Variants in ROS1 observed in about 807,000 individuals in gnomAD.
The protein encoded by ROS1 is proto-oncogene tyrosine-protein kinase ROS.
A neutral mutation model predicts 273.5 loss-of-function variants in ROS1; 263 were observed. That is an observed-to-expected ratio of 0.96 (90% CI 0.87 to 1.06). The LOEUF (loss-of-function observed/expected upper bound fraction) is 1.06. ROS1 is among the 50% of genes least tolerant of loss of function. ROS1 has a pLI of 0.00. For missense variants in ROS1, 2,833 were observed against 2,751.1 expected, an observed-to-expected ratio of 1.03 and a Z score of -0.67; for synonymous variants, 1,008 against 954.1, an observed-to-expected ratio of 1.06 and a Z score of -1.04.
chr6:117,386,661 G>T (rs1167962924), intron 15 of ROS1, among the ~76,000 whole-genome samples: 2 of 152,196 alleles, frequency 1.3e-5, no homozygotes, highest in African/African-American at 4.8e-5. Context: ...TTCCTGGTGG[G>T]CATAAAACTA....
chr6:117,353,222 A>C, intron 26 of ROS1, 56 bp from the exon 27 acceptor site: 1 of 1,279,206 alleles, frequency 7.8e-7, no homozygotes, highest in Non-Finnish European at 1.1e-6. Context: ...TACATTTTTT[A>C]CTCTAAAAAT....
chr6:117,395,743 A>G (rs1472489931), intron 9 of ROS1, among the ~76,000 whole-genome samples: 1 of 152,166 alleles, frequency 6.6e-6, no homozygotes, highest in Non-Finnish European at 1.5e-5. Flanking sequence ...ATACTTATAT[A>G]GTAAAATGTA....
At chr6:117,357,757 CTA>C (rs759138345) in intron 25 of ROS1, 45 bp downstream of exon 25, 1 of 1,257,266 alleles carries the variant, frequency 8.0e-7, no homozygotes, top group Non-Finnish European at 1.1e-6. Context: ...TTAAATATGT[CTA>C]TATCTATTTC....
intron 43 of ROS1, among the ~76,000 whole-genome samples, chr6:117,289,128 G>A (rs1436778725): frequency 6.6e-6 from 1 of 152,240 alleles, no homozygotes; most frequent in Non-Finnish European, 1.5e-5. Context: ...TTAACAAGCG[G>A]AGCAAGTCGT....
chr6:117,311,045 A>C lies in ROS1; in HGVS notation c.6190T>G (p.Leu2064Val). The C allele has an allele frequency of 6.2e-7, 1 of 1,610,172 alleles. No individual in the cohort carries two copies. The highest frequency in any genetic ancestry group is 8.5e-7 in the Non-Finnish European group (1 of 1,177,762). Residue 2064 changes from leucine to valine, a missense_variant, in exon 40 of 44, where the codon TTG becomes GTG. Coordinates refer to ENST00000368507, the MANE Select transcript of ROS1 (RefSeq NM_001378902.1). ...CTGTGAATGAAATGCATCCGTTCCA[A>C]GTAGACACAGCCTTTTGAAATATCT... ...CVDISKGCVY[L>V]ERMHFIHRDL...
chr6:117,342,639 C>T, intron 28 of ROS1, 95 bp from the exon 29 acceptor site: 2 of 818,320 alleles, frequency 2.4e-6, no homozygotes, highest in South Asian at 2.2e-5. Context: ...AAGTTAAAGG[C>T]TCAAAAAAAT....
chr6:117,368,864 GA>G (rs1413483978), intron 18 of ROS1, among the ~76,000 whole-genome samples: 2 of 151,606 alleles, frequency 1.3e-5, no homozygotes, highest in African/African-American at 4.8e-5. Context: ...GAATTAATGT[GA>G]AAAAAAGAAT....
chr6:117,422,201 G>A (rs560568926), intron 1 of ROS1, among the ~76,000 whole-genome samples: 243 of 152,186 alleles, frequency 1.6e-3, no homozygotes, highest in African/African-American at 5.2e-3. Context: ...GTAGAGACAG[G>A]AGTCTCACCA....
rs1489796466 is a variant in ROS1, at chr6:117,356,696, T to C, written c.4059A>G (p.Gln1353=). Residue 1353 remains glutamine, a synonymous_variant, in exon 26 of 44, where the codon CAA becomes CAG. Coordinates refer to ENST00000368507, the MANE Select transcript of ROS1 (RefSeq NM_001378902.1). ...CTTCCAGATCCATTGCCCAGATCTCTTGTGCTTTGGCAAAGTATATCAATG... is the reference window on the plus strand; with the variant it reads ...CTTCCAGATCCATTGCCCAGATCTCCTGTGCTTTGGCAAAGTATATCAATG... The part of the protein sequence containing the change: ...EKPLIYFAKA[Q]EIWAMDLEGC... 6.2e-7 allele frequency: 1 copy of C among 1,614,020 alleles called. No homozygotes were observed. Among genetic ancestry groups the C allele is most frequent in the Non-Finnish European group, 8.5e-7 (1 of 1,179,874 alleles).
At position 117,341,219 on chromosome 6, in the gene ROS1, C is replaced by A. The variant is rs780398903; in HGVS notation, c.4977G>T (p.Leu1659Phe). ...MFNTPEKPYSLVPENTSLQFN... is the reference protein window; with the variant it reads ...MFNTPEKPYSFVPENTSLQFN... The stretch of plus-strand genomic sequence containing the variant: ...ATTGCAAACTAGTGTTCTCTGGAAC[C>A]AAGGAATAAGGTTTCTCTGGTGTGT... The change falls in exon 31 of 44, where the codon TTG becomes TTT. Residue 1659 changes from leucine to phenylalanine, a missense_variant. Coordinates refer to ENST00000368507, the MANE Select transcript of ROS1 (RefSeq NM_001378902.1). The A allele has an allele frequency of 7.4e-6, 12 of 1,613,232 alleles. No homozygotes were observed. The African/African-American group carries it at 1.3e-4, about 18-fold the overall frequency.
intron 26 of ROS1, among the ~76,000 whole-genome samples, chr6:117,355,089 AG>A (rs1276383534): frequency 6.6e-6 from 1 of 152,202 alleles, no homozygotes; most frequent in Non-Finnish European, 1.5e-5. Context: ...TATCAGTGGT[AG>A]GGGGTTCTCC....
intron 43 of ROS1, among the ~76,000 whole-genome samples, chr6:117,290,783 A>C (rs1303199999): frequency 1.3e-5 from 2 of 152,166 alleles, no homozygotes; most frequent in Non-Finnish European, 2.9e-5. Context: ...GTAGGACCAC[A>C]GGATAGGCAT....
intron 33 of ROS1, among the ~76,000 whole-genome samples, chr6:117,326,660 G>C (rs190667681): frequency 9.2e-5 from 14 of 151,956 alleles, no homozygotes; most frequent in African/African-American, 3.4e-4. Context: ...GTGGTGAAGA[G>C]AGAGCTGAGT....
chr6:117,403,814 AATG>A (rs1774155527), intron 6 of ROS1, among the ~76,000 whole-genome samples: 2 of 152,238 alleles, frequency 1.3e-5, no homozygotes, highest in African/African-American at 4.8e-5. Flanking sequence ...AATAAGCCTT[AATG>A]TTAAGGCTTA....
At chr6:117,294,914 C>T (rs1283574948) in intron 43 of ROS1, among the ~76,000 whole-genome samples, 3 of 151,898 alleles carry the variant, frequency 2.0e-5, no homozygotes, top group Non-Finnish European at 2.9e-5. Flanking sequence ...CAATGCAATC[C>T]CTATCAAAAT....
chr6:117,316,278 G>GAC (rs200509057), intron 39 of ROS1, among the ~76,000 whole-genome samples: 1,866 of 137,648 alleles, frequency 0.014, 9 homozygotes, highest in South Asian at 0.033. Context: ...GAACTTGGCG[G>GAC]TAAATACCAC....
intron 18 of ROS1, among the ~76,000 whole-genome samples, chr6:117,370,427 T>C (rs996516140): frequency 6.6e-6 from 1 of 152,190 alleles, no homozygotes; most frequent in African/African-American, 2.4e-5. Flanking sequence ...TGTGAATATC[T>C]CTGGACCTCA....
intron 6 of ROS1, among the ~76,000 whole-genome samples, 194 bp downstream of exon 6, chr6:117,404,086 T>A (rs1369514324): frequency 2.6e-5 from 4 of 152,286 alleles, no homozygotes; most frequent in Admixed American, 2.6e-4. Flanking sequence ...ATACAAAAAA[T>A]TAGCCGGGCG....
intron 27 of ROS1, among the ~76,000 whole-genome samples, chr6:117,351,334 C>T (rs185682205): frequency 5.3e-5 from 8 of 152,194 alleles, no homozygotes; most frequent in Admixed American, 3.3e-4. Context: ...CCGAGCAGGT[C>T]CAGCTGTGAT....
Sources: gnomAD v4.1 joint callset for allele counts (sites outside exome capture counted in the v4.1 genomes callset) on GRCh38, gnomAD v4.1.1 for gene constraint, MANE v1.5 for transcripts, NCBI Gene and HGNC (gene_info 2026-07-23, HGNC 2026-07-21) for gene names.